SS18: variants seen among roughly 807,000 people sequenced by gnomAD.
The protein encoded by SS18 is SS18 subunit of BAF chromatin remodeling complex.
A neutral mutation model predicts 72.5 loss-of-function variants in SS18; 28 were observed. The ratio of observed to expected loss-of-function variants is 0.39; its 90% CI spans 0.29 to 0.53. The LOEUF (loss-of-function observed/expected upper bound fraction) is 0.53, where lower values mean the gene tolerates loss of function less well. Among genes scored for constraint, SS18 ranks in the 20% least tolerant of loss-of-function variants. The pLI is 0.76. For synonymous variants in SS18, 172 were observed against 164.2 expected, an observed-to-expected ratio of 1.05 and a Z score of -0.37; for missense variants, 518 against 535.3, an observed-to-expected ratio of 0.97 and a Z score of 0.32.
intron 3 of SS18, among the ~76,000 whole-genome samples, chr18:26,061,869 A>C (rs973614972): frequency 1.3e-5 from 2 of 152,234 alleles, no homozygotes; most frequent in African/African-American, 4.8e-5. Context: ...GGAAAAGTAT[A>C]TGTGGATAAA....
chr18:26,036,056 A>G (rs992481075), intron 7 of SS18, 133 bp from the exon 8 acceptor site: 12 of 696,264 alleles, frequency 1.7e-5, no homozygotes, highest in Non-Finnish European at 2.7e-5. Flanking sequence ...TTTCAATTGC[A>G]TTAGCCAAAG....
intron 3 of SS18, among the ~76,000 whole-genome samples, chr18:26,060,771 CAAAAAA>C (rs60999827): frequency 8.3e-4 from 33 of 39,598 alleles, no homozygotes; most frequent in African/African-American, 1.9e-3. Flanking sequence ...CTAAAAATAC[CAAAAAA>C]AAAAAAAAAA....
intron 2 of SS18, chr18:26,080,547 A>G (rs2054499328): frequency 1.0e-5 from 2 of 191,518 alleles, no homozygotes; most frequent in African/African-American, 4.7e-5. Flanking sequence ...TTAAAGCAGG[A>G]CACTGAAGTT....
chr18:26,057,698 C>G lies in SS18; in HGVS notation c.276G>C (p.Gln92His). 6.2e-7 allele frequency: 1 copy of G among 1,614,016 alleles called. No individual in the cohort carries two copies. Among genetic ancestry groups the G allele is most frequent in the Non-Finnish European group, 8.5e-7 (1 of 1,179,990 alleles). Reference protein sequence around the residue: ...NMPMGPGGMNQSGPPPPPRSH... With the variant: ...NMPMGPGGMNHSGPPPPPRSH... ...AGCGTGGAGGTGGGGGAGGGCCGCT[C>G]TGATTCATCCCTCCAGGACCCATAG... The change falls in exon 4 of 11, where the codon CAG (glutamine) becomes CAC (histidine). Residue 92 changes from glutamine (Q) to histidine (H), a missense_variant. Physicochemically the swap from Gln to His is conservative, Grantham distance 24. Coordinates refer to ENST00000415083, the MANE Select transcript of SS18 (RefSeq NM_001007559.3).
chr18:26,062,465 C>T (rs543314002), intron 3 of SS18, among the ~76,000 whole-genome samples: 2 of 151,746 alleles, frequency 1.3e-5, no homozygotes, highest in Non-Finnish European at 2.9e-5. Flanking sequence ...TATGTAAAAT[C>T]AAATAGAAAA....
intron 2 of SS18, chr18:26,080,362 A>G: frequency 2.0e-6 from 2 of 985,448 alleles, no homozygotes; most frequent in South Asian, 4.7e-5. Flanking sequence ...TGGTTGCACG[A>G]CATGAGATTT....
intron 9 of SS18, 108 bp from the exon 10 acceptor site, chr18:26,032,640 A>G: frequency 7.8e-7 from 1 of 1,286,140 alleles, no homozygotes; most frequent in Non-Finnish European, 1.0e-6. Context: ...TCTAAGCTAA[A>G]AAAAGATAGT....
At chr18:26,032,649 G>T in intron 9 of SS18, 117 bp from the exon 10 acceptor site, 1 of 1,175,642 alleles carries the variant, frequency 8.5e-7, no homozygotes, top group African/African-American at 1.5e-5. Flanking sequence ...AAAAAAGATA[G>T]TTTGGTACCT....
At chr18:26,078,393 A>G (rs12967748) in intron 2 of SS18, 18,856 of 358,684 alleles carry the variant, frequency 0.053, 574 homozygotes, top group East Asian at 0.1. Flanking sequence ...TTATATGCAT[A>G]TATGTTTCAA....
At chr18:26,070,727 G>A (rs2054296882) in intron 3 of SS18, among the ~76,000 whole-genome samples, 1 of 151,894 alleles carries the variant, frequency 6.6e-6, no homozygotes, top group African/African-American at 2.4e-5. Flanking sequence ...AGATGACATG[G>A]GAAAAAACTG....
intron 5 of SS18, among the ~76,000 whole-genome samples, chr18:26,044,147 CAG>C (rs1054615018): frequency 5.3e-5 from 8 of 152,146 alleles, no homozygotes; most frequent in Non-Finnish European, 1.2e-4. Context: ...TCATAGAACT[CAG>C]AGTCTAAAGA....
At chr18:26,074,544 A>G (rs936852159) in intron 3 of SS18, among the ~76,000 whole-genome samples, 1 of 152,072 alleles carries the variant, frequency 6.6e-6, no homozygotes, top group Non-Finnish European at 1.5e-5. Flanking sequence ...CAAAAACGTA[A>G]CATGATGCCA....
chr18:26,050,286 C>T (rs2053898751), intron 5 of SS18, among the ~76,000 whole-genome samples: 1 of 151,372 alleles, frequency 6.6e-6, no homozygotes, highest in African/African-American at 2.4e-5. Context: ...AGCAATAGAC[C>T]CTCTAAGAGA....
At chr18:26,088,615 G>C (rs74624603) in intron 1 of SS18, among the ~76,000 whole-genome samples, 181 of 152,308 alleles carry the variant, frequency 1.2e-3, no homozygotes, top group African/African-American at 4.2e-3. Context: ...TGGAGCTGAA[G>C]AAAGAGTACT....
rs147105188 is a variant in SS18, at chr18:26,019,131, A to G, written c.1231-751T>C. ...CTGTGAGTGGGGGTAAACAATGTCC[A>G]GTATACATCTGTTCAGGTTAACTTT... On this transcript the variant is annotated intron_variant, in intron 10 of 10. Transcript: ENST00000415083. 2.6e-3 allele frequency among the ~76,000 whole-genome samples: 403 copies of G among 152,350 alleles called. 4 individuals are homozygous for G. Among genetic ancestry groups the G allele is most frequent in the African/African-American group, 9.0e-3 (373 of 41,578 alleles).
At chr18:26,055,947 C>T (rs1415517522) in intron 4 of SS18, among the ~76,000 whole-genome samples, 7 of 151,840 alleles carry the variant, frequency 4.6e-5, no homozygotes, top group Non-Finnish European at 1.0e-4. Flanking sequence ...TTAGTAGAGA[C>T]GGGATTTCAT....
At chr18:26,029,581 C>T (rs2053509033) in intron 10 of SS18, among the ~76,000 whole-genome samples, 1 of 152,110 alleles carries the variant, frequency 6.6e-6, no homozygotes, top group African/African-American at 2.4e-5. Context: ...TCAAAGATGA[C>T]TCTAGATTTT....
Position 26,035,304 on chromosome 18 carries a change from C to T in SS18, c.974-177G>A. The T allele has an allele frequency of 1.2e-6, 1 of 820,354 alleles. No homozygotes were observed. The allele number at this position is 820,354 out of a possible 1,614,324, so 50.8% of individuals were successfully genotyped here. A position where few individuals can be genotyped will look rare whatever the true frequency, so the allele number is the denominator to read the frequency against. On this transcript the variant is annotated intron_variant, in intron 8 of 10. Transcript: ENST00000415083. The surrounding 1 kb of genome is among the most constrained non-coding windows in gnomAD (Gnocchi z 4.4). The stretch of plus-strand genomic sequence containing the variant: ...AACAGAAGGATTTCGGCCAAACAAA[C>T]TGCAGTTAAAGCCAATTTTGCAAGG...
rs183546709 is a variant in SS18 at position 26,051,491 on chromosome 18, T to C, written c.607+1133A>G. ...CACCATACCTTTTCTTAACTATAGG[T>C]TTCTAAGAAGTTAAGAAGTGTGCCA... is the stretch of plus-strand genomic sequence containing the variant. On this transcript the variant is annotated intron_variant, in intron 5 of 10. Transcript: ENST00000415083. Among the ~76,000 whole-genome samples the C allele has an allele frequency of 2.4e-3, 358 of 152,312 alleles. 2 individuals carry two copies. Among genetic ancestry groups the C allele is most frequent in the Non-Finnish European group, 3.9e-3 (264 of 68,022 alleles).
Sources: gnomAD v4.1 joint callset for allele counts (sites outside exome capture counted in the v4.1 genomes callset) on GRCh38, gnomAD v4.1.1 for gene constraint, Gnocchi (gnomAD v3.1) non-coding constraint, MANE v1.5 for transcripts, NCBI Gene and HGNC (gene_info 2026-07-23, HGNC 2026-07-21) for gene names.